Variants in HERC2 observed in about 807,000 individuals in gnomAD.
HERC2 encodes HECT and RLD domain containing E3 ubiquitin protein ligase 2, also known as E3 ubiquitin-protein ligase HERC2.
HERC2 carries 102 observed loss-of-function variants against 537.7 expected under a neutral mutation model. The ratio of observed to expected loss-of-function variants is 0.19; its 90% CI spans 0.16 to 0.22. The LOEUF (loss-of-function observed/expected upper bound fraction) is 0.22, where lower values mean the gene tolerates loss of function less well. Among genes scored for constraint, HERC2 ranks in the 10% least tolerant of loss-of-function variants. The pLI is 1.00. For missense variants in HERC2, 4,236 were observed against 6,198.2 expected, an observed-to-expected ratio of 0.68 and a Z score of 10.63; for synonymous variants, 2,224 against 2,466.2, an observed-to-expected ratio of 0.90 and a Z score of 2.91.
At chr15:28,130,662 G>A in intron 81 of HERC2, 68 bp from the exon 82 acceptor site, 1 of 1,045,284 alleles carries the variant, frequency 9.6e-7, no homozygotes, top group Non-Finnish European at 1.5e-6. Context: ...TAACCACACT[G>A]AGATTTAACT....
intron 2 of HERC2, among the ~76,000 whole-genome samples, chr15:28,311,773 T>G (rs1347855056): frequency 6.6e-6 from 1 of 152,078 alleles, no homozygotes; most frequent in East Asian, 1.9e-4. Flanking sequence ...TGCCCAGACC[T>G]GAAAGCACTC....
At chr15:28,202,670 C>T in intron 45 of HERC2, 56 bp from the exon 46 acceptor site, 1 of 494,906 alleles carries the variant, frequency 2.0e-6, no homozygotes, top group Non-Finnish European at 3.4e-6. Flanking sequence ...CTAGCTTACA[C>T]AGTCTAGGAA....
At chr15:28,120,010 G>A (rs539848629) in intron 86 of HERC2, among the ~76,000 whole-genome samples, 87 of 152,212 alleles carry the variant, frequency 5.7e-4, no homozygotes, top group African/African-American at 2.0e-3. Context: ...AAAAGTCTGC[G>A]TGCGGTTTTG....
chr15:28,113,692 C>G lies in HERC2; in HGVS notation c.13914-14G>C, dbSNP rs1251661895. On this transcript the variant is annotated splice_polypyrimidine_tract_variant and intron_variant, in intron 90 of 92. Transcript: ENST00000261609. This position sits in a 1 kb window ranked among gnomAD's most constrained non-coding sequence, Gnocchi z 7.0. ...AATTCATGGAGTCTGGAAGAAAAAG[C>G]TCACTTTACACTTCTGTCTTCAGTG... 3 of 1,605,076 alleles carry G rather than the reference C, an allele frequency of 1.9e-6. No homozygotes were observed. In the South Asian group the frequency reaches 3.3e-5, roughly 18 times the overall value.
chr15:28,142,411 G>C lies in HERC2; in HGVS notation c.11545-18C>G. The C allele has an allele frequency of 2.5e-6, 4 of 1,608,192 alleles. No individual in the cohort carries two copies. Among genetic ancestry groups the C allele is most frequent in the Non-Finnish European group, 3.4e-6 (4 of 1,177,054 alleles). On this transcript the variant is annotated intron_variant, in intron 75 of 92. Transcript: ENST00000261609. ...ACCAGTACCTGCAGGCACCAAAAAT[G>C]ACAAACTCAGGGAAACTCAGAAATG...
At chr15:28,194,725 C>T (rs1213082747) in intron 52 of HERC2, among the ~76,000 whole-genome samples, 1 of 152,064 alleles carries the variant, frequency 6.6e-6, no homozygotes, top group African/African-American at 2.4e-5. Context: ...AAAAGAATGT[C>T]TTCTATAGTT....
At chr15:28,181,835 C>T (rs1192292636) in intron 57 of HERC2, among the ~76,000 whole-genome samples, 2 of 152,228 alleles carry the variant, frequency 1.3e-5, no homozygotes, top group African/African-American at 2.4e-5. Flanking sequence ...GCACGGCTTC[C>T]CGTGCAAGCT....
chr15:28,314,146 A>AT lies in HERC2; in HGVS notation c.72+7215dup, dbSNP rs1351723345. Among the ~76,000 whole-genome samples the AT allele has an allele frequency of 2.0e-5, 3 of 152,352 alleles. No homozygotes were observed. In the East Asian group the frequency reaches 5.8e-4, roughly 29 times the overall value. Reference sequence around the variant, plus strand: ...CAGAGCCTCGACTTATTGCTACAATATTGCATATACAATATCTGAAAGTCA... The same window carrying AT: ...CAGAGCCTCGACTTATTGCTACAATATTTGCATATACAATATCTGAAAGTCA... On this transcript the variant is annotated intron_variant, in intron 2 of 92. Coordinates refer to ENST00000261609, the MANE Select transcript of HERC2 (RefSeq NM_004667.6).
chr15:28,195,685 G>C (rs1269462575), intron 52 of HERC2, among the ~76,000 whole-genome samples: 1 of 151,970 alleles, frequency 6.6e-6, no homozygotes, highest in Non-Finnish European at 1.5e-5. Flanking sequence ...AGGGGAAGTA[G>C]GGCAGTTAAA....
In HERC2 at chr15:28,124,213, G is replaced by A. The variant is rs533787814; in HGVS notation, c.13012C>T (p.Leu4338=). ...PAQVPMEYNH[L]QEIPIIALRN... is the part of the protein sequence containing the mutation. ...AGCGCAATGATGGGGATCTCCTGCAGGTGATTGTACTCCATGGGGACCTAG... is the reference window on the plus strand; with the variant it reads ...AGCGCAATGATGGGGATCTCCTGCAAGTGATTGTACTCCATGGGGACCTAG... Residue 4338 remains leucine (L), a synonymous_variant, in exon 85 of 93, where the codon CTG becomes TTG. Coordinates refer to ENST00000261609, the MANE Select transcript of HERC2 (RefSeq NM_004667.6). 11 of 1,521,924 alleles carry A rather than the reference G, an allele frequency of 7.2e-6. No homozygotes were observed. The highest frequency in any genetic ancestry group is 6.5e-5 in the South Asian group (5 of 77,328). 94.3% of individuals were successfully genotyped at this position (1,521,924 alleles called of 1,614,324 possible). A position where few individuals can be genotyped will look rare whatever the true frequency, so the allele number is the denominator to read the frequency against.
chr15:28,186,787 GA>G, intron 55 of HERC2, 35 bp from the exon 56 acceptor site: 1 of 1,511,504 alleles, frequency 6.6e-7, no homozygotes, highest in Non-Finnish European at 9.2e-7. Context: ...AGACTCTGTA[GA>G]ATCAAGCATA....
At position 28,113,254 on chromosome 15, in the gene HERC2, G is replaced by T. The variant is rs753278305; in HGVS notation, c.14049C>A (p.His4683Gln). 1.2e-6 allele frequency: 2 copies of T among 1,614,126 alleles called. No homozygotes were observed. Among genetic ancestry groups the T allele is most frequent in the South Asian group, 2.2e-5 (2 of 91,080 alleles). ...TATAGGTGGCCACCGACTTGAGAAG[G>T]TGCAGCGGGATGTCAGGGCTGCCAC... ...MVCGSPDIPL[H>Q]LLKSVATYKG... The change falls in exon 92 of 93, where the codon CAC (histidine) becomes CAA (glutamine). Residue 4683 changes from histidine (H) to glutamine (Q), a missense_variant. His to Gln is a conservative substitution (Grantham distance 24, BLOSUM62 0). Coordinates refer to ENST00000261609, the MANE Select transcript of HERC2 (RefSeq NM_004667.6). This position sits in a 1 kb window ranked among gnomAD's most constrained non-coding sequence, Gnocchi z 7.0.
rs1412171473 is a variant in HERC2 at position 28,196,353 on chromosome 15, A to G, written c.8122T>C (p.Cys2708Arg). 3 of 1,327,418 alleles carry G rather than the reference A, an allele frequency of 2.3e-6. No individual in the cohort carries two copies. The highest frequency in any genetic ancestry group is 3.2e-6 in the Non-Finnish European group (3 of 950,248). 82.2% of individuals were successfully genotyped at this position (1,327,418 alleles called of 1,614,324 possible). A position where few individuals can be genotyped will look rare whatever the true frequency, so the allele number is the denominator to read the frequency against. Residue 2708 changes from cysteine to arginine, a missense_variant and splice_region_variant, in exon 52 of 93, where the codon TGT (cysteine) becomes CGT (arginine). By Grantham distance (180) the Cys-to-Arg change is radical. Transcript: ENST00000261609. ...LVPSIHPGVT[C>R]DGCQMFPING... ...ATAGGAAACATCTGACATCCATCAC[A>G]CCTATTTGTAAAATAGCAACTGAGT...
intron 52 of HERC2, 42 bp from the exon 53 acceptor site, chr15:28,192,193 C>A: frequency 1.3e-6 from 2 of 1,515,274 alleles, no homozygotes; most frequent in Non-Finnish European, 1.8e-6. Context: ...CCTTGCTGAA[C>A]TGGGGAGAAA....
Position 28,126,000 on chromosome 15 carries a change from CAG to C in HERC2, c.12803-809_12803-808del, listed in dbSNP as rs547839388. On this transcript the variant is annotated intron_variant, in intron 83 of 92. Coordinates refer to ENST00000261609, the MANE Select transcript of HERC2 (RefSeq NM_004667.6). The stretch of plus-strand genomic sequence containing the variant: ...CTAATTTTTGTATTTTTAGCAGAGA[CAG>C]GGTTTCACCATGTGGGTCAGGCTGG... Among the ~76,000 whole-genome samples, 321 of 152,286 alleles carry C rather than the reference CAG, an allele frequency of 2.1e-3. 1 individual carries two copies. Among genetic ancestry groups the C allele is most frequent in the African/African-American group, 7.3e-3 (303 of 41,556 alleles).
intron 56 of HERC2, among the ~76,000 whole-genome samples, 172 bp from the exon 57 acceptor site, chr15:28,182,684 C>G (rs904166959): frequency 3.9e-5 from 6 of 152,020 alleles, no homozygotes; most frequent in African/African-American, 1.4e-4. Context: ...AGGAGTAAGT[C>G]CTCTGGAGGG....
Position 28,263,282 on chromosome 15 carries a change from C to A in HERC2, c.1871-113G>T, listed in dbSNP as rs1182855298. 6.1e-6 allele frequency: 7 copies of A among 1,150,974 alleles called. No individual in the cohort carries two copies. In the African/African-American group the frequency reaches 9.4e-5, roughly 15 times the overall value. 71.3% of individuals were successfully genotyped at this position (1,150,974 alleles called of 1,614,324 possible). ...CACACTAATCTAGACCACTCAGGTA[C>A]ATAGTTAACACTACAAGGGTGGCTA... On this transcript the variant is annotated intron_variant, in intron 14 of 92. Coordinates refer to ENST00000261609, the MANE Select transcript of HERC2 (RefSeq NM_004667.6).
At chr15:28,235,503 G>A (rs1156661659) in intron 26 of HERC2, among the ~76,000 whole-genome samples, 2 of 152,124 alleles carry the variant, frequency 1.3e-5, no homozygotes, top group Non-Finnish European at 2.9e-5. Context: ...ACCCAACGGG[G>A]GGCTGTATGG....
At position 28,125,015 on chromosome 15, in the gene HERC2, G is replaced by C; in HGVS notation, c.12981C>G (p.Leu4327=). Residue 4327 remains leucine, a synonymous_variant, in exon 84 of 93, where the codon CTC becomes CTG. Coordinates refer to ENST00000261609, the MANE Select transcript of HERC2 (RefSeq NM_004667.6). ...STSKPASAGK[L]PAQVPMEYNH... ...ACCTGCCCGGACTCACCTGTGCAGG[G>C]AGTTTGCCAGCACTGGCGGGCTTGC... 2 of 1,600,910 alleles carry C rather than the reference G, an allele frequency of 1.2e-6. No individual in the cohort carries two copies. Among genetic ancestry groups the C allele is most frequent in the Non-Finnish European group, 1.7e-6 (2 of 1,168,884 alleles).
Sources: allele counts gnomAD v4.1 joint callset (sites outside exome capture counted in the v4.1 genomes callset), GRCh38; gene constraint gnomAD v4.1.1; non-coding constraint Gnocchi (gnomAD v3.1); transcripts MANE v1.5; gene names NCBI Gene and HGNC (gene_info 2026-07-23, HGNC 2026-07-21).